The following SETD2 variants were observed in gnomAD, a reference collection of about 807,000 sequenced individuals.
The protein encoded by SETD2 is histone-lysine N-methyltransferase SETD2.
In SETD2, 31 loss-of-function variants were observed where a neutral mutation model predicts 242.1. The ratio of observed to expected loss-of-function variants is 0.13; its 90% CI spans 0.10 to 0.17. The LOEUF (loss-of-function observed/expected upper bound fraction) is 0.17. SETD2 is among the 10% of genes least tolerant of loss of function. SETD2 has a pLI of 1.00. For synonymous variants in SETD2, 1,006 were observed against 1,066.5 expected (o/e 0.94, Z 1.11); for missense variants, 2,481 against 3,046.3 (o/e 0.81, Z 4.37).
chr3:47,157,483 T>G, intron 1 of SETD2: 1 of 456,058 alleles, frequency 2.2e-6, no homozygotes, highest in South Asian at 1.5e-5. Flanking sequence ...TCTTTCCCAG[T>G]TAAACTTTCT....
chr3:47,044,248 C>A (rs2039415540), intron 16 of SETD2, among the ~76,000 whole-genome samples: 1 of 146,478 alleles, frequency 6.8e-6, no homozygotes, highest in Non-Finnish European at 1.5e-5. Context: ...GAGGCTGAGG[C>A]AGGAGAACTG....
At chr3:47,113,264 G>C (rs2042728124) in intron 5 of SETD2, among the ~76,000 whole-genome samples, 1 of 151,810 alleles carries the variant, frequency 6.6e-6, no homozygotes, top group South Asian at 2.1e-4. Context: ...CACTGCACCT[G>C]GCCTTCTCTT....
intron 1 of SETD2, among the ~76,000 whole-genome samples, chr3:47,141,741 A>C (rs368780273): frequency 2.0e-5 from 3 of 152,214 alleles, no homozygotes; most frequent in Non-Finnish European, 2.9e-5. Context: ...AGTTTCTAGC[A>C]TAAGTTACCA....
At chr3:47,068,570 T>C (rs993711202) in intron 12 of SETD2, among the ~76,000 whole-genome samples, 2 of 150,216 alleles carry the variant, frequency 1.3e-5, no homozygotes, top group African/African-American at 4.9e-5. Flanking sequence ...AATCTCAGCT[T>C]ACTGCAACCT....
chr3:47,039,683 C>A, intron 17 of SETD2, among the ~76,000 whole-genome samples: 1 of 135,546 alleles, frequency 7.4e-6, no homozygotes, highest in African/African-American at 2.8e-5. Context: ...CTGGCCAACA[C>A]GGTTAAACCC....
At chr3:47,021,634 A>G (rs1277173445) in intron 18 of SETD2, among the ~76,000 whole-genome samples, 2 of 152,224 alleles carry the variant, frequency 1.3e-5, no homozygotes, top group Non-Finnish European at 2.9e-5. Flanking sequence ...CATGGAAATC[A>G]TGAACCAAAA....
intron 5 of SETD2, among the ~76,000 whole-genome samples, chr3:47,107,802 C>G (rs1180109877): frequency 6.7e-6 from 1 of 150,060 alleles, no homozygotes; most frequent in Non-Finnish European, 1.5e-5. Flanking sequence ...AAGACCTCAT[C>G]TTGACAAACA....
At chr3:47,116,587 G>C (rs2042862060) in intron 4 of SETD2, 36 bp downstream of exon 4, 2 of 1,580,710 alleles carry the variant, frequency 1.3e-6, no homozygotes, top group South Asian at 1.2e-5. Context: ...TTTAATAGAA[G>C]TGTTGAGCAA....
At chr3:47,046,368 A>T in intron 16 of SETD2, 119 bp downstream of exon 16, 1 of 793,590 alleles carries the variant, frequency 1.3e-6, no homozygotes, top group Non-Finnish European at 1.8e-6. Flanking sequence ...AAAATAAAAC[A>T]AAGAACACGT....
At chr3:47,058,539 G>T in intron 14 of SETD2, among the ~76,000 whole-genome samples, 1 of 145,182 alleles carries the variant, frequency 6.9e-6, no homozygotes, top group East Asian at 2.0e-4. Flanking sequence ...TCTCTGAAAT[G>T]ATGAATTTAT....
At chr3:47,145,751 C>T (rs752658652) in intron 1 of SETD2, among the ~76,000 whole-genome samples, 6 of 152,120 alleles carry the variant, frequency 3.9e-5, no homozygotes, top group Non-Finnish European at 5.9e-5. Context: ...TGTGGTGGCT[C>T]ATGCCTGTAG....
intron 17 of SETD2, chr3:47,041,506 A>T (rs1019858873): frequency 3.5e-5 from 9 of 259,010 alleles, no homozygotes; most frequent in South Asian, 7.1e-5. Flanking sequence ...GAAAAAAAAA[A>T]TTTTAAAGAA....
intron 17 of SETD2, among the ~76,000 whole-genome samples, chr3:47,040,722 C>T (rs1356685238): frequency 6.6e-6 from 1 of 151,694 alleles, no homozygotes. Context: ...TACAGGTGCA[C>T]ACCACCATGC....
At chr3:47,088,416 G>A (rs1391162042) in intron 9 of SETD2, among the ~76,000 whole-genome samples, 169 bp from the exon 10 acceptor site, 4 of 151,734 alleles carry the variant, frequency 2.6e-5, no homozygotes, top group African/African-American at 9.7e-5. Context: ...ATAATAACAA[G>A]TCTACTGTTG....
At chr3:47,101,009 C>CAAAAAAA (rs1164475680) in intron 8 of SETD2, among the ~76,000 whole-genome samples, 5 of 23,114 alleles carry the variant, frequency 2.2e-4, no homozygotes, top group Non-Finnish European at 3.5e-4. Context: ...GAGTCCATCT[C>CAAAAAAA]AAAAAAAAAA....
chr3:47,115,209 A>C (rs2042808838), intron 4 of SETD2, among the ~76,000 whole-genome samples: 1 of 152,226 alleles, frequency 6.6e-6, no homozygotes, highest in South Asian at 2.1e-4. Context: ...GGAGGATGAA[A>C]AGACAGGCTG....
chr3:47,103,080 T>G (rs1465375426), intron 7 of SETD2, among the ~76,000 whole-genome samples: 1 of 152,224 alleles, frequency 6.6e-6, no homozygotes, highest in Non-Finnish European at 1.5e-5. Flanking sequence ...AATAGCATTC[T>G]CTGGATCTGA....
chr3:47,068,377 A>T (rs909600102), intron 12 of SETD2, among the ~76,000 whole-genome samples: 16 of 152,174 alleles, frequency 1.1e-4, no homozygotes, highest in African/African-American at 1.9e-4. Context: ...TAAATGAAAA[A>T]TTTTTTTAAA....
chr3:47,078,669 T>A (rs2041200071), intron 12 of SETD2, among the ~76,000 whole-genome samples: 1 of 152,032 alleles, frequency 6.6e-6, no homozygotes. Context: ...CAGAAGAATA[T>A]CCTTGGTTTT....
Sources: gnomAD v4.1 joint callset for allele counts (sites outside exome capture counted in the v4.1 genomes callset) on GRCh38, gnomAD v4.1.1 for gene constraint, MANE v1.5 for transcripts, NCBI Gene and HGNC (gene_info 2026-07-23, HGNC 2026-07-21) for gene names.